LMO7: variants seen among roughly 807,000 people sequenced by gnomAD.
LMO7 encodes the protein LIM domain only protein 7.
A neutral mutation model predicts 206.5 loss-of-function variants in LMO7; 120 were observed. That is an observed-to-expected ratio of 0.58 (90% CI 0.50 to 0.68). The LOEUF (loss-of-function observed/expected upper bound fraction) is 0.68. Among genes scored for constraint, LMO7 ranks in the 30% least tolerant of loss-of-function variants. LMO7 has a pLI of 0.00. For synonymous variants in LMO7, 706 were observed against 681.5 expected, an observed-to-expected ratio of 1.04 and a Z score of -0.56; for missense variants, 1,959 against 1,957.9, an observed-to-expected ratio of 1.00 and a Z score of -0.01.
At chr13:75,632,119 T>C (rs1277763185), upstream of LMO7, 2 of 152,186 alleles carry the variant, frequency 1.3e-5, no homozygotes, top group African/African-American at 2.4e-5. Context: ...GAAAAATAAA[T>C]ACAAATTTTG....
chr13:75,653,481 C>T (rs1156553018), intron 1 of LMO7, among the ~76,000 whole-genome samples: 1 of 152,236 alleles, frequency 6.6e-6, no homozygotes, highest in Non-Finnish European at 1.5e-5. Flanking sequence ...CCAAACCATA[C>T]AGCACCAAGA....
At chr13:75,812,315 C>G (rs1404996888) in intron 11 of LMO7, among the ~76,000 whole-genome samples, 1 of 152,158 alleles carries the variant, frequency 6.6e-6, no homozygotes, top group African/African-American at 2.4e-5. Context: ...ATGGTAATTC[C>G]AAAGCCTCTT....
intron 5 of LMO7, 84 bp from the exon 6 acceptor site, chr13:75,796,552 A>G: frequency 1.4e-6 from 1 of 721,642 alleles, no homozygotes; most frequent in Non-Finnish European, 2.4e-6. Flanking sequence ...GCTATCATTT[A>G]TCTACAGTAC....
chr13:75,737,663 G>A (rs2045958688), intron 3 of LMO7, among the ~76,000 whole-genome samples: 1 of 142,892 alleles, frequency 7.0e-6, no homozygotes, highest in Admixed American at 6.9e-5. Flanking sequence ...TGAGGCAGGA[G>A]GATGGCGTGA....
At chr13:75,731,885 A>C (rs1195222189) in intron 3 of LMO7, among the ~76,000 whole-genome samples, 11 of 151,918 alleles carry the variant, frequency 7.2e-5, no homozygotes, top group Admixed American at 4.6e-4. Context: ...TCCTTCGCTT[A>C]TGAAGCTTAG....
At chr13:75,731,292 G>C (rs1314775255) in intron 3 of LMO7, among the ~76,000 whole-genome samples, 1 of 152,144 alleles carries the variant, frequency 6.6e-6, no homozygotes, top group African/African-American at 2.4e-5. Context: ...CTCAGGACTT[G>C]CTTTATGAGT....
In LMO7 at chr13:75,821,184, C is replaced by A; in HGVS notation, c.2215C>A (p.Gln739Lys). ...FKEMLQDRES[Q>K]NQKSTVPSRR... ...GCATTTCTCTCCGCTAAGGGAATCC[C>A]AAAATCAAAAGTCTACAGTTCCGTC... Residue 739 changes from glutamine to lysine, a missense_variant, in exon 14 of 31, where the codon CAA becomes AAA. Coordinates refer to ENST00000377534, the MANE Select transcript of LMO7 (RefSeq NM_001306080.2). 6.3e-7 allele frequency: 1 copy of A among 1,599,076 alleles called. No individual in the cohort carries two copies. The highest frequency in any genetic ancestry group is 1.1e-5 in the South Asian group (1 of 88,090).
At chr13:75,778,551 A>G (rs990481681) in intron 4 of LMO7, among the ~76,000 whole-genome samples, 1 of 152,194 alleles carries the variant, frequency 6.6e-6, no homozygotes, top group Non-Finnish European at 1.5e-5. Context: ...CCTTTTAACA[A>G]TGCGCCCTTA....
intron 2 of LMO7, among the ~76,000 whole-genome samples, chr13:75,626,311 G>A (rs1593839338): frequency 6.6e-6 from 1 of 151,810 alleles, no homozygotes; most frequent in African/African-American, 2.4e-5. Context: ...TCAGAATCAT[G>A]GTGGGAGGTG....
At chr13:75,790,987 T>TG (rs2140598394) in intron 4 of LMO7, among the ~76,000 whole-genome samples, 1 of 152,010 alleles carries the variant, frequency 6.6e-6, no homozygotes, top group Admixed American at 6.5e-5. Flanking sequence ...CTACCCCTTT[T>TG]TTTTTTTTGG....
chr13:75,666,027 C>T (rs935373687), intron 1 of LMO7, among the ~76,000 whole-genome samples: 10 of 152,184 alleles, frequency 6.6e-5, no homozygotes, highest in African/African-American at 2.2e-4. Context: ...GATACTCCTC[C>T]AAGTAACATT....
At chr13:75,711,776 G>A (rs1048794118) in intron 1 of LMO7, among the ~76,000 whole-genome samples, 1 of 152,224 alleles carries the variant, frequency 6.6e-6, no homozygotes, top group Non-Finnish European at 1.5e-5. Context: ...TTCTTATGAG[G>A]CTGTGGGCTC....
intron 4 of LMO7, among the ~76,000 whole-genome samples, chr13:75,785,434 C>T (rs760168323): frequency 3.9e-5 from 6 of 151,948 alleles, no homozygotes; most frequent in Non-Finnish European, 8.8e-5. Flanking sequence ...CAATACTCAA[C>T]ATAATGATTG....
intron 4 of LMO7, among the ~76,000 whole-genome samples, chr13:75,781,096 CTTTTTTTT>C (rs367937964): frequency 4.6e-3 from 192 of 41,910 alleles, no homozygotes; most frequent in Non-Finnish European, 6.2e-3. Context: ...CTCTATTTTC[CTTTTTTTT>C]TTTTTTTTTT....
At chr13:75,668,541 A>G (rs1332277480) in intron 1 of LMO7, among the ~76,000 whole-genome samples, 1 of 152,192 alleles carries the variant, frequency 6.6e-6, no homozygotes, top group Admixed American at 6.5e-5. Context: ...ACATGCACAG[A>G]CCAGGGCCTG....
At chr13:75,854,006 A>G (rs566422337) in intron 28 of LMO7, among the ~76,000 whole-genome samples, 2 of 152,148 alleles carry the variant, frequency 1.3e-5, no homozygotes, top group East Asian at 3.9e-4. Context: ...TTCGGTGGGG[A>G]ATATGGTGTG....
intron 1 of LMO7, among the ~76,000 whole-genome samples, chr13:75,670,226 G>A (rs374863653): frequency 5.3e-5 from 8 of 152,216 alleles, no homozygotes; most frequent in African/African-American, 1.9e-4. Flanking sequence ...AGTAGGGGAA[G>A]TTCAGATTTT....
chr13:75,737,862 A>AAAC (rs2046068833), intron 3 of LMO7, among the ~76,000 whole-genome samples: 1 of 147,350 alleles, frequency 6.8e-6, no homozygotes, highest in Non-Finnish European at 1.5e-5. Context: ...AAAAAAAAAA[A>AAAC]AACACAGTAC....
At chr13:75,709,906 T>G (rs557786525) in intron 1 of LMO7, among the ~76,000 whole-genome samples, 16 of 152,342 alleles carry the variant, frequency 1.1e-4, no homozygotes, top group Non-Finnish European at 2.1e-4. Context: ...TGCCTAGGTT[T>G]TCTTCTAGGG....
Sources: allele counts gnomAD v4.1 joint callset (sites outside exome capture counted in the v4.1 genomes callset), GRCh38; gene constraint gnomAD v4.1.1; transcripts MANE v1.5; gene names NCBI Gene and HGNC (gene_info 2026-07-23, HGNC 2026-07-21).